Variants in PRKAG2 observed in about 807,000 individuals in gnomAD.
PRKAG2 encodes 5'-AMP-activated protein kinase subunit gamma-2.
A neutral mutation model predicts 69.6 loss-of-function variants in PRKAG2; 26 were observed. The observed-to-expected ratio is 0.37, with a 90% CI of 0.27 to 0.52. The LOEUF is 0.52. PRKAG2 is among the 20% of genes least tolerant of loss of function. PRKAG2 has a pLI of 0.90. For synonymous variants in PRKAG2, 293 were observed against 285.0 expected (o/e 1.03, Z -0.28); for missense variants, 557 against 740.0 (o/e 0.75, Z 2.87).
At chr7:151,622,685 C>T (rs1263693101) in intron 5 of PRKAG2, among the ~76,000 whole-genome samples, 1 of 152,174 alleles carries the variant, frequency 6.6e-6, no homozygotes, top group African/African-American at 2.4e-5. Context: ...ACCATCTTTC[C>T]TGAGAGCATT....
At chr7:151,571,498 C>T (rs548806878) in intron 9 of PRKAG2, among the ~76,000 whole-genome samples, 15 of 152,272 alleles carry the variant, frequency 9.9e-5, no homozygotes, top group African/African-American at 2.4e-4. Flanking sequence ...TGTGAGCCAC[C>T]GCACCTGGCC....
intron 1 of PRKAG2, among the ~76,000 whole-genome samples, chr7:151,791,756 G>A (rs1422281990): frequency 3.3e-5 from 5 of 152,194 alleles, no homozygotes; most frequent in African/African-American, 9.7e-5. Context: ...CATCCATCTC[G>A]CTGCCTTAGA....
At chr7:151,717,645 T>G (rs998805616) in intron 3 of PRKAG2, among the ~76,000 whole-genome samples, 2 of 152,192 alleles carry the variant, frequency 1.3e-5, no homozygotes. Flanking sequence ...GCCAACAGGA[T>G]GGGGAGGGCC....
chr7:151,616,123 G>C (rs1210892338), intron 5 of PRKAG2, among the ~76,000 whole-genome samples: 1 of 152,190 alleles, frequency 6.6e-6, no homozygotes, highest in African/African-American at 2.4e-5. Context: ...GTGGGTGGTG[G>C]GGGCGTGAAG....
In PRKAG2 at chr7:151,632,392, C is replaced by G. The variant is rs931521697; in HGVS notation, c.685-254G>C. 7 of 472,914 alleles carry G rather than the reference C, an allele frequency of 1.5e-5. No individual in the cohort carries two copies. In the African/African-American group the frequency reaches 1.5e-4, roughly 10 times the overall value. 29.3% of individuals were successfully genotyped at this position (472,914 alleles called of 1,614,324 possible). ...CTCCGCGAGTGGGACGCGCCGCTCC[C>G]CCCCGCGCCTTGGTACGGCCCGCCC... On this transcript the variant is annotated intron_variant, in intron 4 of 15. Transcript: ENST00000287878. The surrounding 1 kb of genome is among the most constrained non-coding windows in gnomAD (Gnocchi z 4.2).
Position 151,715,036 on chromosome 7 carries a change from A to G in PRKAG2, c.467-39399T>C, listed in dbSNP as rs189506973. Among the ~76,000 whole-genome samples the G allele has an allele frequency of 4.0e-3, 579 of 145,012 alleles. 3 individuals are homozygous for G. Among genetic ancestry groups the G allele is most frequent in the African/African-American group, 0.014 (559 of 39,696 alleles). The stretch of plus-strand genomic sequence containing the variant: ...AAAGCAATTTTTTTTTTTTTTTGAG[A>G]TGGAGTTTCGCTCTTGTTGCCCAGG... On this transcript the variant is annotated intron_variant, in intron 3 of 15. Coordinates refer to ENST00000287878, the MANE Select transcript of PRKAG2 (RefSeq NM_016203.4).
chr7:151,813,110 C>T (rs1237924357), intron 1 of PRKAG2, among the ~76,000 whole-genome samples: 1 of 152,124 alleles, frequency 6.6e-6, no homozygotes, highest in African/African-American at 2.4e-5. Context: ...GGTGCCGGCT[C>T]ACTCTGACTG....
intron 3 of PRKAG2, among the ~76,000 whole-genome samples, chr7:151,710,857 C>T (rs1201193819): frequency 1.3e-5 from 2 of 152,208 alleles, no homozygotes; most frequent in Non-Finnish European, 2.9e-5. Context: ...TATTGCTTGG[C>T]ACAGAGCACT....
At chr7:151,566,678 C>T in intron 11 of PRKAG2, 2 of 390,562 alleles carry the variant, frequency 5.1e-6, no homozygotes. Context: ...AAGAGTTCAT[C>T]AATATTCAAA....
intron 1 of PRKAG2, among the ~76,000 whole-genome samples, chr7:151,843,869 G>A (rs1270605831): frequency 1.3e-5 from 2 of 152,254 alleles, no homozygotes; most frequent in African/African-American, 4.8e-5. Flanking sequence ...GACATGTCAT[G>A]GCAGAAGGCT....
intron 4 of PRKAG2, among the ~76,000 whole-genome samples, chr7:151,653,007 G>A (rs1828797356): frequency 6.7e-6 from 1 of 150,298 alleles, no homozygotes; most frequent in Non-Finnish European, 1.5e-5. Context: ...AAGACCTCAA[G>A]CTCAGAAATA....
At chr7:151,625,027 G>C (rs73730229) in intron 5 of PRKAG2, among the ~76,000 whole-genome samples, 1,886 of 152,250 alleles carry the variant, frequency 0.012, 26 homozygotes, top group African/African-American at 0.043. Context: ...GTGGCCTCAA[G>C]ACCTGGCAAA....
At chr7:151,575,831 C>CAAT (rs1584999406) in intron 7 of PRKAG2, among the ~76,000 whole-genome samples, 1 of 32,050 alleles carries the variant, frequency 3.1e-5, no homozygotes, top group East Asian at 1.1e-3. Context: ...AAAAGAAATT[C>CAAT]AACAACAACA....
intron 5 of PRKAG2, among the ~76,000 whole-genome samples, chr7:151,625,496 G>A (rs1017970122): frequency 6.6e-6 from 1 of 152,192 alleles, no homozygotes; most frequent in Non-Finnish European, 1.5e-5. Context: ...AAATGAAAGC[G>A]ATGGGATTAG....
At chr7:151,597,399 T>G (rs1231775944) in intron 5 of PRKAG2, among the ~76,000 whole-genome samples, 1 of 152,040 alleles carries the variant, frequency 6.6e-6, no homozygotes, top group African/African-American at 2.4e-5. Context: ...CAAAAGCACA[T>G]GGAACAAAAG....
intron 1 of PRKAG2, among the ~76,000 whole-genome samples, chr7:151,813,378 C>T (rs927113047): frequency 3.3e-5 from 5 of 151,940 alleles, no homozygotes; most frequent in Non-Finnish European, 7.4e-5. Context: ...AGCCTCCCCC[C>T]AGGAGGGGGG....
At chr7:151,702,115 C>T (rs1262229765) in intron 3 of PRKAG2, among the ~76,000 whole-genome samples, 3 of 152,194 alleles carry the variant, frequency 2.0e-5, no homozygotes, top group East Asian at 1.9e-4. Flanking sequence ...CTGGTGGCTA[C>T]CAAGATGGAC....
chr7:151,745,978 C>T (rs114906943), intron 3 of PRKAG2, among the ~76,000 whole-genome samples: 2,140 of 152,304 alleles, frequency 0.014, 54 homozygotes, highest in African/African-American at 0.049. Flanking sequence ...AGAAGCTGAG[C>T]GCTGGGCTCA....
At chr7:151,663,937 G>A (rs1585594226) in intron 4 of PRKAG2, among the ~76,000 whole-genome samples, 1 of 152,214 alleles carries the variant, frequency 6.6e-6, no homozygotes, top group African/African-American at 2.4e-5. Flanking sequence ...TCGGCTTTGT[G>A]AGCCATATAG....
Sources: gnomAD v4.1 joint callset for allele counts (sites outside exome capture counted in the v4.1 genomes callset) on GRCh38, gnomAD v4.1.1 for gene constraint, Gnocchi (gnomAD v3.1) non-coding constraint, MANE v1.5 for transcripts, NCBI Gene and HGNC (gene_info 2026-07-23, HGNC 2026-07-21) for gene names.